GRIK2: variants seen among roughly 807,000 people sequenced by gnomAD.
The protein encoded by GRIK2 is glutamate receptor ionotropic, kainate 2.
In GRIK2, 32 loss-of-function variants were observed where a neutral mutation model predicts 100.3. The observed-to-expected ratio is 0.32, with a 90% CI of 0.24 to 0.43. GRIK2 has a LOEUF of 0.43. Among genes scored for constraint, GRIK2 ranks in the 20% least tolerant of loss-of-function variants. GRIK2 has a pLI of 1.00. For missense variants in GRIK2, 843 were observed against 1,114.9 expected (o/e 0.76, Z 3.47); for synonymous variants, 417 against 389.4 (o/e 1.07, Z -0.83).
At chr6:101,768,099 T>A (rs1486583759) in intron 7 of GRIK2, among the ~76,000 whole-genome samples, 3 of 152,112 alleles carry the variant, frequency 2.0e-5, no homozygotes, top group African/African-American at 7.2e-5. Flanking sequence ...GCTCAAGTGA[T>A]CTACCCATCT....
chr6:101,634,412 GA>G (rs1013778541), intron 4 of GRIK2, among the ~76,000 whole-genome samples: 1 of 152,066 alleles, frequency 6.6e-6, no homozygotes, highest in Non-Finnish European at 1.5e-5. Context: ...CTTAACATAT[GA>G]AGTTTGAAAC....
Position 101,446,678 on chromosome 6 carries a change from C to T in GRIK2, c.115+47286C>T, listed in dbSNP as rs145292937. Among the ~76,000 whole-genome samples, 716 of 151,808 alleles carry T rather than the reference C, an allele frequency of 4.7e-3. 7 individuals are homozygous for T. Among genetic ancestry groups the T allele is most frequent in the African/African-American group, 0.016 (680 of 41,490 alleles). ...TACCATCACCTGTTTGAAAGAATAA[C>T]TTCAAACTATTCTTGAATATTGAAA... is the stretch of plus-strand genomic sequence containing the variant. On this transcript the variant is annotated intron_variant, in intron 2 of 16. Coordinates refer to ENST00000369134, the MANE Select transcript of GRIK2 (RefSeq NM_021956.5).
At chr6:101,474,709 A>T (rs546156198) in intron 2 of GRIK2, among the ~76,000 whole-genome samples, 2 of 123,382 alleles carry the variant, frequency 1.6e-5, no homozygotes, top group Admixed American at 1.8e-4. Flanking sequence ...CCACAGGAGA[A>T]AAATGGGAGA....
At position 101,709,232 on chromosome 6, in the gene GRIK2, A is replaced by G. The variant is rs758990078; in HGVS notation, c.951+22879A>G. 3.0e-4 allele frequency among the ~76,000 whole-genome samples: 45 copies of G among 151,630 alleles called. 1 individual carries two copies. Among genetic ancestry groups the G allele is most frequent in the Admixed American group, 7.2e-4 (11 of 15,176 alleles). On this transcript the variant is annotated intron_variant, in intron 7 of 16. Coordinates refer to ENST00000369134, the MANE Select transcript of GRIK2 (RefSeq NM_021956.5). ...CTGGCAAAACACCAGAAACTATGAGAAAGATATAAAACAGATAGACCGTGG... is the reference window on the plus strand; with the variant it reads ...CTGGCAAAACACCAGAAACTATGAGGAAGATATAAAACAGATAGACCGTGG...
intron 10 of GRIK2, among the ~76,000 whole-genome samples, chr6:101,844,489 A>G (rs1459727644): frequency 1.3e-5 from 2 of 152,212 alleles, no homozygotes; most frequent in Non-Finnish European, 1.5e-5. Flanking sequence ...GAAAATAATG[A>G]GCCATTATTA....
intron 11 of GRIK2, among the ~76,000 whole-genome samples, chr6:101,874,303 C>G (rs1225074661): frequency 1.3e-5 from 2 of 152,042 alleles, no homozygotes; most frequent in Non-Finnish European, 2.9e-5. Context: ...CCAGTTTCAG[C>G]TTTCTACATA....
At chr6:102,037,661 T>C (rs1401850177) in intron 15 of GRIK2, among the ~76,000 whole-genome samples, 1 of 151,424 alleles carries the variant, frequency 6.6e-6, no homozygotes, top group Non-Finnish European at 1.5e-5. Context: ...GATTGTGTTT[T>C]CACAATTATA....
chr6:101,772,226 G>A (rs1778450361), intron 7 of GRIK2, among the ~76,000 whole-genome samples: 1 of 152,150 alleles, frequency 6.6e-6, no homozygotes, highest in Non-Finnish European at 1.5e-5. Context: ...CTTTCCTAAT[G>A]GCTTCCTCAA....
At chr6:101,839,044 A>G (rs1047690873) in intron 10 of GRIK2, among the ~76,000 whole-genome samples, 2 of 151,672 alleles carry the variant, frequency 1.3e-5, no homozygotes, top group Non-Finnish European at 2.9e-5. Context: ...CTCCTGCACC[A>G]GTTTTGTTTG....
chr6:101,707,561 T>A (rs1773398480), intron 7 of GRIK2, among the ~76,000 whole-genome samples: 1 of 108,166 alleles, frequency 9.2e-6, no homozygotes, highest in Non-Finnish European at 1.7e-5. Flanking sequence ...TGTGTATATA[T>A]ATGTATATAT....
At chr6:101,546,661 A>C (rs908856790) in intron 2 of GRIK2, among the ~76,000 whole-genome samples, 10 of 152,048 alleles carry the variant, frequency 6.6e-5, no homozygotes, top group Admixed American at 2.0e-4. Context: ...AATATAGAAC[A>C]ATGCCTGACA....
At chr6:101,862,916 TATG>T (rs1475495185) in intron 11 of GRIK2, among the ~76,000 whole-genome samples, 1 of 152,196 alleles carries the variant, frequency 6.6e-6, no homozygotes, top group African/African-American at 2.4e-5. Flanking sequence ...TTTGAGTTTT[TATG>T]ATGATTGGTG....
At chr6:101,869,207 A>G (rs1431360545) in intron 11 of GRIK2, among the ~76,000 whole-genome samples, 1 of 151,938 alleles carries the variant, frequency 6.6e-6, no homozygotes, top group East Asian at 1.9e-4. Flanking sequence ...AAATATTTTG[A>G]AAGCCAATTC....
chr6:101,473,616 C>G (rs1050605989), intron 2 of GRIK2, among the ~76,000 whole-genome samples: 1 of 151,768 alleles, frequency 6.6e-6, no homozygotes, highest in African/African-American at 2.4e-5. Context: ...TATTATTTTT[C>G]CCACTTCTGA....
intron 14 of GRIK2, among the ~76,000 whole-genome samples, chr6:101,937,217 C>T (rs1391552514): frequency 1.3e-5 from 2 of 152,082 alleles, no homozygotes; most frequent in African/African-American, 2.4e-5. Context: ...GAGGCCCTGC[C>T]ACTCCAGCAT....
At chr6:101,951,149 A>G (rs1190356964) in intron 14 of GRIK2, among the ~76,000 whole-genome samples, 1 of 152,212 alleles carries the variant, frequency 6.6e-6, no homozygotes. Context: ...ACACCTTTTA[A>G]AACTGGAAAT....
At chr6:101,415,744 C>G (rs1776113609) in intron 2 of GRIK2, among the ~76,000 whole-genome samples, 1 of 152,126 alleles carries the variant, frequency 6.6e-6, no homozygotes, top group African/African-American at 2.4e-5. Flanking sequence ...ACCAATCCCT[C>G]TATTGCTTGG....
chr6:101,762,952 C>A (rs1207371333), intron 7 of GRIK2, among the ~76,000 whole-genome samples: 1 of 152,106 alleles, frequency 6.6e-6, no homozygotes, highest in Non-Finnish European at 1.5e-5. Flanking sequence ...TAAGAGCTGG[C>A]TTTTGATTGT....
intron 2 of GRIK2, among the ~76,000 whole-genome samples, chr6:101,442,957 A>C (rs572236738): frequency 6.6e-6 from 1 of 152,116 alleles, no homozygotes; most frequent in African/African-American, 2.4e-5. Context: ...TTCCAGTTTT[A>C]CTCTTTCTTT....
Sources: gnomAD v4.1 joint callset for allele counts (sites outside exome capture counted in the v4.1 genomes callset) on GRCh38, gnomAD v4.1.1 for gene constraint, MANE v1.5 for transcripts, NCBI Gene and HGNC (gene_info 2026-07-23, HGNC 2026-07-21) for gene names.